PRLR: variants seen among roughly 807,000 people sequenced by gnomAD.
The protein encoded by PRLR is prolactin receptor.
PRLR carries 13 observed loss-of-function variants against 40.2 expected under a neutral mutation model. That is an observed-to-expected ratio of 0.32 (90% CI 0.21 to 0.51). The LOEUF (loss-of-function observed/expected upper bound fraction) is 0.51. Ranked by LOEUF, PRLR falls within the 20% of genes least tolerant of loss-of-function variation. The probability of loss-of-function intolerance (pLI) is 0.97; values close to 1 mark genes in which losing one functional copy is unlikely to be tolerated. For synonymous variants in PRLR, 269 were observed against 278.7 expected, an observed-to-expected ratio of 0.97 and a Z score of 0.35; for missense variants, 656 against 747.3, an observed-to-expected ratio of 0.88 and a Z score of 1.42.
intron 6 of PRLR, 146 bp from the exon 7 acceptor site, chr5:35,070,411 C>A (rs1769674840): frequency 2.9e-5 from 26 of 890,534 alleles, no homozygotes; most frequent in Non-Finnish European, 4.2e-5. Flanking sequence ...TTAGCCCTAT[C>A]TTTTCCTTCT....
At chr5:35,070,973 T>C (rs1769714168) in intron 6 of PRLR, among the ~76,000 whole-genome samples, 1 of 152,048 alleles carries the variant, frequency 6.6e-6, no homozygotes, top group Non-Finnish European at 1.5e-5. Context: ...CATTCATGTA[T>C]GGTAAAGTAG....
At position 35,062,231 on chromosome 5, in the gene PRLR, T is replaced by C. The variant is rs548429895; in HGVS notation, c.*2858A>G. On this transcript the variant is annotated 3_prime_UTR_variant, in exon 10 of 10. Coordinates refer to ENST00000618457, the MANE Select transcript of PRLR (RefSeq NM_000949.7). ...GGTTGGGATTATCTTTGCAGAAAAA[T>C]ATTCAGTGAGTCATGGAATCAAGGA... 1.3e-5 allele frequency: 2 copies of C among 152,256 alleles called. No homozygotes were observed. The highest frequency in any genetic ancestry group is 4.1e-4 in the South Asian group (2 of 4,826). 9.4% of individuals were successfully genotyped at this position (152,256 alleles called of 1,614,324 possible). A position where few individuals can be genotyped will look rare whatever the true frequency, so the allele number is the denominator to read the frequency against.
chr5:35,175,825 C>A (rs1775132441), intron 1 of PRLR, among the ~76,000 whole-genome samples: 1 of 152,024 alleles, frequency 6.6e-6, no homozygotes, highest in African/African-American at 2.4e-5. Context: ...CACTCACTTT[C>A]TTCTTCTTAT....
At chr5:35,135,234 A>T (rs987814640) in intron 1 of PRLR, 1 of 152,212 alleles carries the variant, frequency 6.6e-6, no homozygotes, top group African/African-American at 2.4e-5. Flanking sequence ...AGGAAGGGAA[A>T]AAGAGACAGA....
chr5:35,136,082 T>C (rs780221131), intron 1 of PRLR, among the ~76,000 whole-genome samples: 5 of 151,850 alleles, frequency 3.3e-5, no homozygotes, highest in Non-Finnish European at 7.4e-5. Flanking sequence ...GAGCAGAAAA[T>C]GTGAGGTAGG....
intron 5 of PRLR, among the ~76,000 whole-genome samples, chr5:35,076,842 A>G (rs1036819315): frequency 1.3e-5 from 2 of 152,254 alleles, no homozygotes; most frequent in Admixed American, 1.3e-4. Flanking sequence ...CTAACAGTGG[A>G]TCTCTTGGCA....
At chr5:35,210,580 G>T (rs908222259) in intron 1 of PRLR, among the ~76,000 whole-genome samples, 1 of 152,216 alleles carries the variant, frequency 6.6e-6, no homozygotes, top group African/African-American at 2.4e-5. Flanking sequence ...GGGCAGCGAA[G>T]CTCAGTCTAG....
In PRLR at chr5:35,134,677, AG is replaced by A. The variant is rs1201380875; in HGVS notation, c.-105-16556del. The stretch of plus-strand genomic sequence containing the variant: ...TTAATTTAATTAACTGAAAAATAAA[AG>A]GTGTCTTTTGTTACATTCTACTGGT... On this transcript the variant is annotated intron_variant, in intron 1 of 9. Coordinates refer to ENST00000618457, the MANE Select transcript of PRLR (RefSeq NM_000949.7). Among the ~76,000 whole-genome samples the A allele has an allele frequency of 2.0e-5, 3 of 152,238 alleles. No individual in the cohort carries two copies. In the East Asian group the frequency reaches 5.8e-4, roughly 29 times the overall value.
intron 1 of PRLR, among the ~76,000 whole-genome samples, chr5:35,176,509 AC>A (rs1254225006): frequency 6.6e-6 from 1 of 152,152 alleles, no homozygotes. Context: ...TTAATCTATA[AC>A]CTTACCCCCA....
intron 1 of PRLR, among the ~76,000 whole-genome samples, chr5:35,192,373 C>G (rs182183702): frequency 7.9e-5 from 12 of 152,302 alleles, no homozygotes; most frequent in East Asian, 5.8e-4. Context: ...CTCTCTCCCC[C>G]ACCTCTTAAT....
intron 1 of PRLR, among the ~76,000 whole-genome samples, chr5:35,138,686 G>T (rs2914112): frequency 6.6e-6 from 1 of 152,026 alleles, no homozygotes. Context: ...ATTTTGGTGA[G>T]GATACAATAG....
downstream of PRLR, among the ~76,000 whole-genome samples, chr5:35,051,150 G>A (rs939103931): frequency 6.6e-6 from 1 of 152,182 alleles, no homozygotes; most frequent in Non-Finnish European, 1.5e-5. Flanking sequence ...GTAACATTCT[G>A]GAGAAAGCTA....
chr5:35,050,417 C>T (rs1768456481), intron 8 of PRLR, among the ~76,000 whole-genome samples: 1 of 152,154 alleles, frequency 6.6e-6, no homozygotes, highest in African/African-American at 2.4e-5. Context: ...TAAGTGACAC[C>T]TGCTGAGTCT....
chr5:35,212,867 G>A (rs1430200601), intron 1 of PRLR, among the ~76,000 whole-genome samples: 1 of 152,206 alleles, frequency 6.6e-6, no homozygotes, highest in Non-Finnish European at 1.5e-5. Flanking sequence ...CAGCAGCCAA[G>A]TCCAAGTATG....
At chr5:35,178,363 T>C (rs1162685975) in intron 1 of PRLR, among the ~76,000 whole-genome samples, 2 of 152,198 alleles carry the variant, frequency 1.3e-5, no homozygotes, top group East Asian at 3.8e-4. Context: ...CAGTTTGCTC[T>C]GTAATTTACA....
intron 1 of PRLR, among the ~76,000 whole-genome samples, chr5:35,124,597 C>T (rs1773396443): frequency 6.6e-6 from 1 of 152,138 alleles, no homozygotes; most frequent in South Asian, 2.1e-4. Flanking sequence ...GACATCCAGG[C>T]CAAATTCCTT....
At chr5:35,150,560 C>A (rs2111860476) in intron 1 of PRLR, among the ~76,000 whole-genome samples, 1 of 152,226 alleles carries the variant, frequency 6.6e-6, no homozygotes, top group African/African-American at 2.4e-5. Flanking sequence ...AGTTAATTGC[C>A]ATGCAGTATT....
At chr5:35,189,980 C>CT (rs1775557481) in intron 1 of PRLR, among the ~76,000 whole-genome samples, 1 of 152,118 alleles carries the variant, frequency 6.6e-6, no homozygotes, top group Admixed American at 6.5e-5. Flanking sequence ...AGCACAGGAG[C>CT]CTCCCTGTTT....
intron 1 of PRLR, among the ~76,000 whole-genome samples, chr5:35,185,184 A>T (rs1201605355): frequency 6.6e-6 from 1 of 152,178 alleles, no homozygotes; most frequent in Non-Finnish European, 1.5e-5. Flanking sequence ...ATACACTGAG[A>T]AGGACCAATT....
Sources: gnomAD v4.1 joint callset for allele counts (sites outside exome capture counted in the v4.1 genomes callset) on GRCh38, gnomAD v4.1.1 for gene constraint, MANE v1.5 for transcripts, NCBI Gene and HGNC (gene_info 2026-07-23, HGNC 2026-07-21) for gene names.